CDH4: variants seen among roughly 807,000 people sequenced by gnomAD.
The protein encoded by CDH4 is cadherin-4.
CDH4 carries 33 observed loss-of-function variants against 86.0 expected under a neutral mutation model. The ratio of observed to expected loss-of-function variants is 0.38; its 90% CI spans 0.29 to 0.51. The LOEUF (loss-of-function observed/expected upper bound fraction) is 0.51, where lower values mean the gene tolerates loss of function less well. Among genes scored for constraint, CDH4 ranks in the 20% least tolerant of loss-of-function variants. CDH4 has a pLI of 0.86. For missense variants in CDH4, 1,114 were observed against 1,307.4 expected, an observed-to-expected ratio of 0.85 and a Z score of 2.28; for synonymous variants, 555 against 549.4, an observed-to-expected ratio of 1.01 and a Z score of -0.14.
chr20:61,309,505 T>C (rs1055311572), intron 2 of CDH4, among the ~76,000 whole-genome samples: 1 of 152,168 alleles, frequency 6.6e-6, no homozygotes, highest in African/African-American at 2.4e-5. Context: ...AGATGTTCAT[T>C]TGAGGCATTT....
chr20:61,809,322 C>G (rs1481857366), intron 4 of CDH4, among the ~76,000 whole-genome samples: 1 of 152,114 alleles, frequency 6.6e-6, no homozygotes, highest in African/African-American at 2.4e-5. Flanking sequence ...TGTGACGCAT[C>G]TGTGCTACTT....
In CDH4 at chr20:61,417,127, A is replaced by G. The variant is rs1431563722; in HGVS notation, c.169+162190A>G. Among the ~76,000 whole-genome samples the G allele has an allele frequency of 6.6e-6, 1 of 152,152 alleles. No individual in the cohort carries two copies. The highest frequency in any genetic ancestry group is 1.5e-5 in the Non-Finnish European group (1 of 68,022). ...AGAGCTGACTGTGGGTGCTTGGGAT[A>G]AAACCCAGATTCTGTGGCCTATTTC... On this transcript the variant is annotated intron_variant, in intron 2 of 15. Coordinates refer to ENST00000614565, the MANE Select transcript of CDH4 (RefSeq NM_001794.5). This position sits in a 1 kb window ranked among gnomAD's most constrained non-coding sequence, Gnocchi z 4.0.
chr20:61,757,909 G>T (rs1296864661), intron 3 of CDH4, among the ~76,000 whole-genome samples: 3 of 152,192 alleles, frequency 2.0e-5, no homozygotes, highest in Non-Finnish European at 4.4e-5. Context: ...GGGCTGGGAA[G>T]ATCTGGAAGT....
intron 2 of CDH4, among the ~76,000 whole-genome samples, chr20:61,540,362 G>A (rs935351774): frequency 1.3e-5 from 2 of 152,294 alleles, no homozygotes; most frequent in South Asian, 2.1e-4. Context: ...CTTGAAAACT[G>A]TTCATGACGG....
chr20:61,740,844 A>T (rs1463796411), intron 2 of CDH4: 1 of 152,382 alleles, frequency 6.6e-6, no homozygotes, highest in East Asian at 1.9e-4. Flanking sequence ...TTGGGACTGC[A>T]TCTTGTCACA....
chr20:61,937,063 G>T lies in CDH4; in HGVS notation c.*120G>T. ...GCTGTGTCCTTAGTGCTGTTAGGAG[G>T]CCCCCCAATCCCCACGTTGAGCTGT... On this transcript the variant is annotated 3_prime_UTR_variant, in exon 16 of 16. Coordinates refer to ENST00000614565, the MANE Select transcript of CDH4 (RefSeq NM_001794.5). The T allele has an allele frequency of 1.3e-6, 1 of 791,816 alleles. No homozygotes were observed. The highest frequency in any genetic ancestry group is 2.4e-5 in the South Asian group (1 of 42,348). 49.0% of individuals were successfully genotyped at this position (791,816 alleles called of 1,614,324 possible). A position where few individuals can be genotyped will look rare whatever the true frequency, so the allele number is the denominator to read the frequency against.
chr20:61,732,452 G>A (rs571697501), intron 2 of CDH4, among the ~76,000 whole-genome samples: 9 of 152,010 alleles, frequency 5.9e-5, no homozygotes, highest in Non-Finnish European at 1.0e-4. Flanking sequence ...CCTCCTCCTC[G>A]CTCCCTTCCT....
At chr20:61,839,777 G>T (rs77615274) in intron 4 of CDH4, among the ~76,000 whole-genome samples, 1 of 151,782 alleles carries the variant, frequency 6.6e-6, no homozygotes, top group Admixed American at 6.6e-5. Flanking sequence ...TGTTGTGTGT[G>T]TACATGTATG....
chr20:61,766,641 A>G (rs568719916), intron 3 of CDH4, among the ~76,000 whole-genome samples: 329 of 152,214 alleles, frequency 2.2e-3, no homozygotes, highest in African/African-American at 7.6e-3. Flanking sequence ...CAGTGGAGAG[A>G]AAAGCCATGC....
At chr20:61,847,041 C>CTGGTG (rs1410459611) in intron 5 of CDH4, among the ~76,000 whole-genome samples, 31 of 152,350 alleles carry the variant, frequency 2.0e-4, no homozygotes, top group African/African-American at 7.5e-4. Context: ...AGGTGACCTG[C>CTGGTG]ACCAGCAGAA....
intron 15 of CDH4, among the ~76,000 whole-genome samples, chr20:61,936,329 CACACCT>C: frequency 1.5e-5 from 1 of 66,264 alleles, no homozygotes; most frequent in African/African-American, 6.8e-5. Flanking sequence ...CACCCTCTCC[CACACCT>C]CCACCTTCCC....
chr20:61,534,313 G>A (rs1420081237), intron 2 of CDH4, among the ~76,000 whole-genome samples: 3 of 152,204 alleles, frequency 2.0e-5, no homozygotes, highest in African/African-American at 7.2e-5. Context: ...ATTGGGGAGG[G>A]TATCGGGGCA....
intron 2 of CDH4, among the ~76,000 whole-genome samples, chr20:61,383,173 A>ATATTTATGAATATATATGAATATATT (rs2084915692): frequency 1.1e-5 from 1 of 88,734 alleles, no homozygotes; most frequent in Non-Finnish European, 2.1e-5. Flanking sequence ...ATATATGAAT[A>ATATTTATGAATATATATGAATATATT]TATTTATGAA....
At chr20:61,430,901 C>T (rs1329934699) in intron 2 of CDH4, among the ~76,000 whole-genome samples, 2 of 152,366 alleles carry the variant, frequency 1.3e-5, no homozygotes, top group East Asian at 3.9e-4. Context: ...TTGGTGCCTG[C>T]AGCCCCCAGG....
At position 61,402,504 on chromosome 20, in the gene CDH4, A is replaced by G. The variant is rs545137927; in HGVS notation, c.169+147567A>G. 1.1e-4 allele frequency among the ~76,000 whole-genome samples: 16 copies of G among 152,090 alleles called. No individual in the cohort carries two copies. The South Asian group carries it at 3.3e-3, about 32-fold the overall frequency. ...CCTCCCGGGTTCAAGCAATTCTCAT[A>G]CCTCAGTTTCCCAAGTAGCTGGGAC... On this transcript the variant is annotated intron_variant, in intron 2 of 15. Transcript: ENST00000614565.
intron 2 of CDH4, among the ~76,000 whole-genome samples, chr20:61,441,439 G>A (rs1226599805): frequency 5.3e-5 from 8 of 152,192 alleles, no homozygotes; most frequent in Non-Finnish European, 2.9e-5. Context: ...CACTCCAGGT[G>A]GGAGAAAAGA....
At chr20:61,774,394 C>A (rs2088814448) in intron 4 of CDH4, among the ~76,000 whole-genome samples, 2 of 152,348 alleles carry the variant, frequency 1.3e-5, no homozygotes, top group Non-Finnish European at 2.9e-5. Context: ...AGAGACGATG[C>A]CAATGGCAGT....
intron 2 of CDH4, among the ~76,000 whole-genome samples, chr20:61,597,992 GT>G (rs1219276049): frequency 6.6e-6 from 1 of 152,190 alleles, no homozygotes; most frequent in African/African-American, 2.4e-5. Flanking sequence ...ATTAGAATAT[GT>G]TTTCCTAAAA....
intron 2 of CDH4, among the ~76,000 whole-genome samples, chr20:61,323,785 A>T (rs1292079394): frequency 6.6e-6 from 1 of 152,168 alleles, no homozygotes; most frequent in Admixed American, 6.5e-5. Context: ...CGTCACCTTT[A>T]GTACATGCAA....
Sources: allele counts gnomAD v4.1 joint callset (sites outside exome capture counted in the v4.1 genomes callset), GRCh38; gene constraint gnomAD v4.1.1; non-coding constraint Gnocchi (gnomAD v3.1); transcripts MANE v1.5; gene names NCBI Gene and HGNC (gene_info 2026-07-23, HGNC 2026-07-21).